LDLRAD1: variants seen among roughly 807,000 people sequenced by gnomAD.
The protein encoded by LDLRAD1 is low-density lipoprotein receptor class A domain-containing protein 1.
LDLRAD1 carries 17 observed loss-of-function variants against 24.8 expected under a neutral mutation model. The ratio of observed to expected loss-of-function variants is 0.69; its 90% CI spans 0.47 to 1.03. The LOEUF (loss-of-function observed/expected upper bound fraction) is 1.03, where lower values mean the gene tolerates loss of function less well. LDLRAD1 is among the 50% of genes least tolerant of loss of function. The pLI is 0.00. For synonymous variants in LDLRAD1, 103 were observed against 108.2 expected (o/e 0.95, Z 0.30); for missense variants, 277 against 271.0 (o/e 1.02, Z -0.16).
rs1337111709 is a variant in LDLRAD1, at chr1:54,012,126, A to T, written c.340+17T>A. The T allele has an allele frequency of 1.2e-6, 2 of 1,612,954 alleles. No homozygotes were observed. The highest frequency in any genetic ancestry group is 4.5e-5 in the East Asian group (2 of 44,874). ...TGGGGGAACCCCTGGGAGGGGCAGC[A>T]CCGAGCGGGTACTCACGGCACAAGC... On this transcript the variant is annotated intron_variant, in intron 4 of 5. Transcript: ENST00000371360.
intron 2 of LDLRAD1, among the ~76,000 whole-genome samples, chr1:54,016,364 G>A (rs1656304764): frequency 6.6e-6 from 1 of 152,162 alleles, no homozygotes; most frequent in Non-Finnish European, 1.5e-5. Flanking sequence ...CTCTGGGCAG[G>A]GAGAGGTGTC....
intron 4 of LDLRAD1, among the ~76,000 whole-genome samples, chr1:54,011,316 G>A (rs1656040702): frequency 6.6e-6 from 1 of 152,120 alleles, no homozygotes; most frequent in African/African-American, 2.4e-5. Context: ...AACCACTCTG[G>A]GAGGCAGCTC....
chr1:54,013,210 C>T (rs1265413209), intron 3 of LDLRAD1, among the ~76,000 whole-genome samples: 1 of 152,114 alleles, frequency 6.6e-6, no homozygotes, highest in Non-Finnish European at 1.5e-5. Context: ...CACGCACTGA[C>T]ACACAGACAT....
In LDLRAD1 at chr1:54,013,751, G is replaced by A. The variant is rs116370254; in HGVS notation, c.202+485C>T. ...GGACCCCGCTGTAATGTGTATTCAC[G>A]TCTAGACGGCTCTCGGAACAGTTAT... is the stretch of plus-strand genomic sequence containing the variant. On this transcript the variant is annotated intron_variant, in intron 3 of 5. Coordinates refer to ENST00000371360, the MANE Select transcript of LDLRAD1 (RefSeq NM_001010978.4). 4.7e-3 allele frequency among the ~76,000 whole-genome samples: 715 copies of A among 152,268 alleles called. 4 individuals are homozygous for A. Among genetic ancestry groups the A allele is most frequent in the African/African-American group, 0.016 (662 of 41,556 alleles).
In LDLRAD1 at chr1:54,008,886, G is replaced by C; in HGVS notation, c.*96C>G. The C allele has an allele frequency of 9.7e-7, 1 of 1,030,974 alleles. No individual in the cohort carries two copies. The highest frequency in any genetic ancestry group is 1.3e-6 in the Non-Finnish European group (1 of 751,150). The allele number at this position is 1,030,974 out of a possible 1,614,324, so 63.9% of individuals were successfully genotyped here. On this transcript the variant is annotated 3_prime_UTR_variant, in exon 6 of 6. Transcript: ENST00000371360. ...ATGATGTGTAGATCCCATTTCAAAG[G>C]CTGCTTCCTGCCCTTGTGCGCTAGG...
Position 54,010,311 on chromosome 1 carries a change from C to T in LDLRAD1, c.440G>A (p.Cys147Tyr), listed in dbSNP as rs769930525. The T allele has an allele frequency of 5.6e-6, 9 of 1,614,002 alleles. No homozygotes were observed. Among genetic ancestry groups the T allele is most frequent in the South Asian group, 3.3e-5 (3 of 91,084 alleles). ...GCTCAGTTCATCTGAACAGTCCCCG[C>T]AGTTGTTAGTGCCATCACATTTTTG... The part of the protein sequence containing the change: ...SDQKCDGTNN[C>Y]GDCSDELSPV... The change falls in exon 5 of 6, where the codon TGC becomes TAC. Residue 147 changes from cysteine to tyrosine, a missense_variant. Cys to Tyr is a radical substitution (Grantham distance 194). Transcript: ENST00000371360.
Position 54,008,402 on chromosome 1 carries a change from C to T in LDLRAD1, c.*580G>A, listed in dbSNP as rs184684561. On this transcript the variant is annotated 3_prime_UTR_variant, in exon 6 of 6. Transcript: ENST00000371360. ...GGCTAAACTCGGCTTGTCATTTAAG[C>T]CCCAGACATGTCATCACTCTAAGGG... 3 of 152,354 alleles carry T rather than the reference C, an allele frequency of 2.0e-5. No homozygotes were observed. The highest frequency in any genetic ancestry group is 4.4e-5 in the Non-Finnish European group (3 of 68,096). The allele number at this position is 152,354 out of a possible 1,614,324, so 9.4% of individuals were successfully genotyped here. A position where few individuals can be genotyped will look rare whatever the true frequency, so the allele number is the denominator to read the frequency against.
rs548774082 is a variant in LDLRAD1, at chr1:54,012,967, T to C, written c.203-687A>G. Among the ~76,000 whole-genome samples, 4 of 152,198 alleles carry C rather than the reference T, an allele frequency of 2.6e-5. No individual in the cohort carries two copies. In the South Asian group the frequency reaches 8.3e-4, roughly 32 times the overall value. On this transcript the variant is annotated intron_variant, in intron 3 of 5. Coordinates refer to ENST00000371360, the MANE Select transcript of LDLRAD1 (RefSeq NM_001010978.4). Reference sequence around the variant, plus strand: ...CCCACATGTGTATACGTGTGCATAATTGGGGATGGGAGCCAGTTTGTGCAT... The same window carrying C: ...CCCACATGTGTATACGTGTGCATAACTGGGGATGGGAGCCAGTTTGTGCAT...
chr1:54,018,177 T>C lies in LDLRAD1; in HGVS notation c.-65A>G, dbSNP rs770160198. On this transcript the variant is annotated 5_prime_UTR_variant, in exon 1 of 6. Coordinates refer to ENST00000371360, the MANE Select transcript of LDLRAD1 (RefSeq NM_001010978.4). ...AGAGCTCAGCACGGGTTCCCTGCAT[T>C]GTCACCAAGGCCAACCTGGAGGAGG... The C allele has an allele frequency of 4.4e-6, 7 of 1,602,802 alleles. No individual in the cohort carries two copies. Among genetic ancestry groups the C allele is most frequent in the Non-Finnish European group, 6.0e-6 (7 of 1,173,286 alleles).
intron 4 of LDLRAD1, among the ~76,000 whole-genome samples, chr1:54,010,764 C>T (rs1445261025): frequency 6.6e-6 from 1 of 152,200 alleles, no homozygotes; most frequent in Non-Finnish European, 1.5e-5. Context: ...TCCATCACCT[C>T]CAGGAAGCCT....
chr1:54,008,874 C>CTCGGTGGTCGACGTA lies in LDLRAD1; in HGVS notation c.*107_*108insTACGTCGACCACCGA. The CTCGGTGGTCGACGTA allele has an allele frequency of 1.0e-6, 1 of 992,512 alleles. No homozygotes were observed. Among genetic ancestry groups the CTCGGTGGTCGACGTA allele is most frequent in the Non-Finnish European group, 1.5e-6 (1 of 665,246 alleles). The allele number at this position is 992,512 out of a possible 1,614,324, so 61.5% of individuals were successfully genotyped here. On this transcript the variant is annotated 3_prime_UTR_variant, in exon 6 of 6. Coordinates refer to ENST00000371360, the MANE Select transcript of LDLRAD1 (RefSeq NM_001010978.4). The stretch of plus-strand genomic sequence containing the variant: ...TCCTATTCAGAAATGATGTGTAGAT[C>CTCGGTGGTCGACGTA]CCATTTCAAAGGCTGCTTCCTGCCC...
chr1:54,014,904 C>A (rs1215165309), intron 2 of LDLRAD1, among the ~76,000 whole-genome samples: 1 of 152,138 alleles, frequency 6.6e-6, no homozygotes, highest in East Asian at 1.9e-4. Context: ...TGCTGGGATG[C>A]AGGTTGGAAT....
At chr1:54,014,490 A>T in intron 2 of LDLRAD1, 126 bp from the exon 3 acceptor site, 1 of 924,828 alleles carries the variant, frequency 1.1e-6, no homozygotes, top group Non-Finnish European at 1.6e-6. Flanking sequence ...CAGAGCAGGG[A>T]TGGCTTCCCT....
intron 3 of LDLRAD1, 63 bp downstream of exon 3, chr1:54,014,173 C>G: frequency 6.5e-7 from 1 of 1,537,370 alleles, no homozygotes; most frequent in Non-Finnish European, 8.8e-7. Flanking sequence ...GCTCCCTCAT[C>G]TCTCTGTGCC....
At chr1:54,012,063 C>CTGA in intron 4 of LDLRAD1, 80 bp downstream of exon 4, 1 of 1,546,220 alleles carries the variant, frequency 6.5e-7, no homozygotes, top group East Asian at 2.3e-5. Context: ...TTGAAGGTGC[C>CTGA]TGATGTGTTC....
At chr1:54,010,508 C>A in intron 4 of LDLRAD1, 98 bp from the exon 5 acceptor site, 1 of 1,299,704 alleles carries the variant, frequency 7.7e-7, no homozygotes. Context: ...AGTGGCCAAA[C>A]TCAGGATCAG....
At position 54,014,348 on chromosome 1, in the gene LDLRAD1, G is replaced by C. The variant is rs752296313; in HGVS notation, c.90C>G (p.Leu30=). The stretch of plus-strand genomic sequence containing the variant: ...GGCAGGCCCCGCGACGTGAGCAGCA[G>C]AGGTGGCCGCCGCCTGCTGTGTGGG... ...HPGGEAGGGH[L]CCSRRGACLS... is the part of the protein sequence containing the mutation. The change falls in exon 3 of 6, where the codon CTC becomes CTG. Residue 30 remains leucine (L), a synonymous_variant. Transcript: ENST00000371360. The C allele has an allele frequency of 6.5e-7, 1 of 1,539,728 alleles. No homozygotes were observed. The highest frequency in any genetic ancestry group is 1.2e-5 in the South Asian group (1 of 83,866).
In LDLRAD1 at chr1:54,010,370, G is replaced by T; in HGVS notation, c.381C>A (p.His127Gln). Residue 127 changes from histidine to glutamine, a missense_variant, in exon 5 of 6, where the codon CAC becomes CAA. Transcript: ENST00000371360. The stretch of plus-strand genomic sequence containing the variant: ...AGATCCAGGAGGCCGGGTCTCCACA[G>T]TGGGCCACAAGGAAGTGGGGGAGGC... Reference protein sequence around the residue: ...PQSLPHFLVAHCGDPASWIYS... With the variant: ...PQSLPHFLVAQCGDPASWIYS... 1 of 1,614,042 alleles carries T rather than the reference G, an allele frequency of 6.2e-7. No homozygotes were observed. The highest frequency in any genetic ancestry group is 8.5e-7 in the Non-Finnish European group (1 of 1,179,996).
intron 2 of LDLRAD1, 141 bp from the exon 3 acceptor site, chr1:54,014,505 G>A: frequency 5.0e-6 from 4 of 802,178 alleles, no homozygotes; most frequent in Non-Finnish European, 7.9e-6. Context: ...TTCCCTGGAG[G>A]AGCAGCTCCC....
Sources: gnomAD v4.1 joint callset for allele counts (sites outside exome capture counted in the v4.1 genomes callset) on GRCh38, gnomAD v4.1.1 for gene constraint, MANE v1.5 for transcripts, NCBI Gene and HGNC (gene_info 2026-07-23, HGNC 2026-07-21) for gene names.